The following RIC8B variants were observed in gnomAD, a reference collection of about 807,000 sequenced individuals.
RIC8B encodes RIC8 guanine nucleotide exchange factor B, also known as chaperone Ric-8B.
RIC8B carries 16 observed loss-of-function variants against 57.5 expected under a neutral mutation model. The observed-to-expected ratio is 0.28, with a 90% CI of 0.19 to 0.42. The LOEUF (loss-of-function observed/expected upper bound fraction) is 0.42, where lower values mean the gene tolerates loss of function less well. RIC8B is among the 10% of genes least tolerant of loss of function. The pLI is 1.00. For synonymous variants in RIC8B, 216 were observed against 250.8 expected, an observed-to-expected ratio of 0.86 and a Z score of 1.31; for missense variants, 481 against 677.0, an observed-to-expected ratio of 0.71 and a Z score of 3.21.
At position 106,858,727 on chromosome 12, in the gene RIC8B, A is replaced by G. The variant is rs1353417139; in HGVS notation, c.1307-1541A>G. ...ATGACTAGTTTCAACATCATTTAAT[A>G]TACTCATTAGCCCATGTTTCCTTTT... is the stretch of plus-strand genomic sequence containing the variant. On this transcript the variant is annotated intron_variant, in intron 7 of 9. Transcript: ENST00000392837. Among the ~76,000 whole-genome samples the G allele has an allele frequency of 6.6e-5, 10 of 152,214 alleles. No homozygotes were observed. The South Asian group carries it at 1.5e-3, about 22-fold the overall frequency.
chr12:106,838,024 A>G (rs1288991853), intron 4 of RIC8B, among the ~76,000 whole-genome samples: 1 of 152,172 alleles, frequency 6.6e-6, no homozygotes, highest in Non-Finnish European at 1.5e-5. Flanking sequence ...TACATAGTTA[A>G]TGTATACAAC....
At chr12:106,832,070 G>A (rs2046376257) in intron 4 of RIC8B, among the ~76,000 whole-genome samples, 2 of 151,978 alleles carry the variant, frequency 1.3e-5, no homozygotes, top group African/African-American at 4.8e-5. Flanking sequence ...TCTTTAAGAG[G>A]CTGAGTCCTT....
intron 9 of RIC8B, among the ~76,000 whole-genome samples, chr12:106,884,549 C>T (rs956892331): frequency 6.6e-6 from 1 of 152,180 alleles, no homozygotes; most frequent in Non-Finnish European, 1.5e-5. Context: ...CCCCTTCCAA[C>T]TTTAAGTTCT....
intron 2 of RIC8B, among the ~76,000 whole-genome samples, chr12:106,813,310 C>G (rs1180488859): frequency 1.3e-5 from 2 of 151,180 alleles, no homozygotes; most frequent in Non-Finnish European, 2.9e-5. Flanking sequence ...CCTGCCTCAG[C>G]CTCCCGAGTA....
intron 2 of RIC8B, among the ~76,000 whole-genome samples, chr12:106,786,343 G>A (rs1035401356): frequency 2.0e-5 from 3 of 151,834 alleles, no homozygotes; most frequent in African/African-American, 7.3e-5. Context: ...TAGAGATGGG[G>A]TTTCACCGTG....
At chr12:106,818,416 G>A (rs995635913) in intron 3 of RIC8B, among the ~76,000 whole-genome samples, 6 of 151,668 alleles carry the variant, frequency 4.0e-5, no homozygotes, top group East Asian at 2.0e-4. Context: ...CACCCGCCTC[G>A]GCCTCCCAAA....
At position 106,775,555 on chromosome 12, in the gene RIC8B, C is replaced by T. The variant is rs1023142501; in HGVS notation, c.84+726C>T. On this transcript the variant is annotated intron_variant, in intron 1 of 9. Transcript: ENST00000392837. ...TATTATCTGCATTTTGCAATTGAGA[C>T]TCTAGATTGGTTAAGTAACTTGCCC... is the stretch of plus-strand genomic sequence containing the variant. 1.9e-5 allele frequency: 6 copies of T among 318,476 alleles called. No individual in the cohort carries two copies. The Admixed American group carries it at 2.4e-4, about 13-fold the overall frequency. 19.7% of individuals were successfully genotyped at this position (318,476 alleles called of 1,614,324 possible). A position where few individuals can be genotyped will look rare whatever the true frequency, so the allele number is the denominator to read the frequency against.
At chr12:106,801,713 C>G (rs182234947) in intron 2 of RIC8B, among the ~76,000 whole-genome samples, 1 of 152,196 alleles carries the variant, frequency 6.6e-6, no homozygotes, top group African/African-American at 2.4e-5. Flanking sequence ...AATTTGACCT[C>G]TAGAATCCTC....
chr12:106,777,448 ATTTGAGAAATG>A (rs1308163565), intron 1 of RIC8B, among the ~76,000 whole-genome samples: 1 of 152,184 alleles, frequency 6.6e-6, no homozygotes, highest in East Asian at 1.9e-4. Flanking sequence ...GGAAAAATGG[ATTTGAGAAATG>A]TTTGGATTAT....
At chr12:106,775,613 G>A (rs1729175094) in intron 1 of RIC8B, among the ~76,000 whole-genome samples, 1 of 152,178 alleles carries the variant, frequency 6.6e-6, no homozygotes, top group African/African-American at 2.4e-5. Context: ...TTCCAGTTTA[G>A]TTCTTTCCAC....
chr12:106,838,605 C>T lies in RIC8B; in HGVS notation c.837-3984C>T, dbSNP rs1001997630. Among the ~76,000 whole-genome samples the T allele has an allele frequency of 2.7e-5, 4 of 149,912 alleles. No homozygotes were observed. In the East Asian group the frequency reaches 5.8e-4, roughly 22 times the overall value. On this transcript the variant is annotated intron_variant, in intron 4 of 9. Coordinates refer to ENST00000392837, the MANE Select transcript of RIC8B (RefSeq NM_001330145.2). ...CAGGAGACGTGAGAGAAAAAGCTTA[C>T]GGACATTGGTCTTGGCAATGATTTC...
At chr12:106,876,316 G>A (rs1950662143) in intron 9 of RIC8B, among the ~76,000 whole-genome samples, 1 of 152,076 alleles carries the variant, frequency 6.6e-6, no homozygotes, top group South Asian at 2.1e-4. Context: ...GTTACATATG[G>A]AAATGATAAT....
chr12:106,800,160 T>A (rs1230233638), intron 2 of RIC8B, among the ~76,000 whole-genome samples: 1 of 152,104 alleles, frequency 6.6e-6, no homozygotes, highest in Non-Finnish European at 1.5e-5. Flanking sequence ...TACCTCTGTA[T>A]TAGTTTGTTC....
chr12:106,843,156 C>T (rs899020384), intron 5 of RIC8B, among the ~76,000 whole-genome samples: 4 of 152,122 alleles, frequency 2.6e-5, no homozygotes, highest in African/African-American at 9.7e-5. Context: ...TTGCTAAATA[C>T]TCTTCATAAT....
intron 2 of RIC8B, among the ~76,000 whole-genome samples, chr12:106,809,621 A>G (rs745336156): frequency 5.3e-5 from 8 of 152,232 alleles, no homozygotes; most frequent in Non-Finnish European, 1.0e-4. Context: ...TGTAAAGCAC[A>G]TAAGCAAAAA....
At position 106,821,547 on chromosome 12, in the gene RIC8B, C is replaced by CT. The variant is rs1191859059; in HGVS notation, c.742-4176dup. ...AGCTTACTGAAGAGTATCTTCATGA[C>CT]TTTATCTCATGCAAGTCAAACATTT... On this transcript the variant is annotated intron_variant, in intron 3 of 9. Coordinates refer to ENST00000392837, the MANE Select transcript of RIC8B (RefSeq NM_001330145.2). Among the ~76,000 whole-genome samples the CT allele has an allele frequency of 7.9e-5, 12 of 152,214 alleles. No homozygotes were observed. The East Asian group carries it at 1.4e-3, about 17-fold the overall frequency.
chr12:106,873,962 G>A (rs186415353), intron 9 of RIC8B, among the ~76,000 whole-genome samples: 38 of 152,252 alleles, frequency 2.5e-4, no homozygotes, highest in African/African-American at 8.7e-4. Flanking sequence ...CTTCTAAAGA[G>A]CTCAGGTTGT....
chr12:106,801,760 G>A (rs1477635289), intron 2 of RIC8B, among the ~76,000 whole-genome samples: 1 of 152,100 alleles, frequency 6.6e-6, no homozygotes, highest in Non-Finnish European at 1.5e-5. Context: ...TAAAATTCTG[G>A]CAATAAGTCA....
At chr12:106,817,785 A>C (rs1297921483) in intron 3 of RIC8B, among the ~76,000 whole-genome samples, 1 of 149,684 alleles carries the variant, frequency 6.7e-6, no homozygotes, top group Non-Finnish European at 1.5e-5. Flanking sequence ...AGATCGCGCC[A>C]CTGCACTCCA....
Sources: allele counts gnomAD v4.1 joint callset (sites outside exome capture counted in the v4.1 genomes callset), GRCh38; gene constraint gnomAD v4.1.1; transcripts MANE v1.5; gene names NCBI Gene and HGNC (gene_info 2026-07-23, HGNC 2026-07-21).